GALNT18: variants seen among roughly 807,000 people sequenced by gnomAD.
The protein encoded by GALNT18 is polypeptide N-acetylgalactosaminyltransferase 18.
A neutral mutation model predicts 69.5 loss-of-function variants in GALNT18; 44 were observed. The observed-to-expected ratio is 0.63, with a 90% CI of 0.50 to 0.81. GALNT18 has a LOEUF of 0.81. Ranked by LOEUF, GALNT18 falls within the 40% of genes least tolerant of loss-of-function variation. The pLI is 0.00. For missense variants in GALNT18, 715 were observed against 810.0 expected (o/e 0.88, Z 1.42); for synonymous variants, 364 against 318.2 (o/e 1.14, Z -1.53).
rs372303312 is a variant in GALNT18 at position 11,523,643 on chromosome 11, C to A, written c.236-74707G>T. The stretch of plus-strand genomic sequence containing the variant: ...CTGAGGCAGGAGAATGGTGAGAACC[C>A]GGGAGGAAGAGGTTGCAGTGAGCCG... On this transcript the variant is annotated intron_variant, in intron 1 of 10. Transcript: ENST00000227756. The surrounding 1 kb of genome is among the most constrained non-coding windows in gnomAD (Gnocchi z 4.3). Among the ~76,000 whole-genome samples, 2 of 151,090 alleles carry A rather than the reference C, an allele frequency of 1.3e-5. No individual in the cohort carries two copies. Among genetic ancestry groups the A allele is most frequent in the Admixed American group, 1.3e-4 (2 of 15,146 alleles).
rs192216980 is a variant in GALNT18, at chr11:11,617,261, A to G, written c.235+4098T>C. 1.3e-3 allele frequency among the ~76,000 whole-genome samples: 196 copies of G among 152,340 alleles called. 1 individual carries two copies. Among genetic ancestry groups the G allele is most frequent in the Non-Finnish European group, 2.4e-3 (164 of 68,034 alleles). On this transcript the variant is annotated intron_variant, in intron 1 of 10. Coordinates refer to ENST00000227756, the MANE Select transcript of GALNT18 (RefSeq NM_198516.3). The surrounding 1 kb of genome is among the most constrained non-coding windows in gnomAD (Gnocchi z 4.7). ...ACTCTCCTCTTTAACCAATTTTTCT[A>G]TTAACTAACTCAAGCCCTGACCACG...
intron 1 of GALNT18, among the ~76,000 whole-genome samples, chr11:11,589,076 T>C (rs946120792): frequency 1.3e-5 from 2 of 152,190 alleles, no homozygotes; most frequent in Non-Finnish European, 2.9e-5. Flanking sequence ...GAAAATAAAC[T>C]GACTCTGAAA....
chr11:11,597,365 T>A (rs1253116770), intron 1 of GALNT18, among the ~76,000 whole-genome samples: 3 of 152,210 alleles, frequency 2.0e-5, no homozygotes, highest in South Asian at 4.1e-4. Context: ...GAACTGGTAT[T>A]GATTATTCCT....
rs936515435 is a variant in GALNT18, at chr11:11,619,581, G to C, written c.235+1778C>G. Among the ~76,000 whole-genome samples, 1 of 152,064 alleles carries C rather than the reference G, an allele frequency of 6.6e-6. No homozygotes were observed. Among genetic ancestry groups the C allele is most frequent in the African/African-American group, 2.4e-5 (1 of 41,384 alleles). On this transcript the variant is annotated intron_variant, in intron 1 of 10. Coordinates refer to ENST00000227756, the MANE Select transcript of GALNT18 (RefSeq NM_198516.3). This position sits in a 1 kb window ranked among gnomAD's most constrained non-coding sequence, Gnocchi z 4.9. ...TGCCTGACCAGAAAGAAAAGCACAA[G>C]AGAATCATTTTCCAGGAACACACAC...
chr11:11,471,699 G>A (rs1310400004), intron 1 of GALNT18, among the ~76,000 whole-genome samples: 2 of 152,174 alleles, frequency 1.3e-5, no homozygotes, highest in African/African-American at 2.4e-5. Context: ...AGGAAACTGA[G>A]GCTCAGATAA....
intron 9 of GALNT18, among the ~76,000 whole-genome samples, chr11:11,322,702 A>C (rs1300426295): frequency 2.6e-5 from 4 of 152,242 alleles, no homozygotes; most frequent in Admixed American, 2.6e-4. Context: ...GGAGAAGTAA[A>C]AATTGGTACA....
Position 11,344,612 on chromosome 11 carries a change from G to A in GALNT18, c.1093-3608C>T, listed in dbSNP as rs116421179. Among the ~76,000 whole-genome samples the A allele has an allele frequency of 4.9e-3, 746 of 152,310 alleles. 6 individuals are homozygous for A. The highest frequency in any genetic ancestry group is 0.017 in the African/African-American group (713 of 41,574). On this transcript the variant is annotated intron_variant, in intron 6 of 10. Coordinates refer to ENST00000227756, the MANE Select transcript of GALNT18 (RefSeq NM_198516.3). ...GAAAGCACAGCTTTGGAGTCTGTGG[G>A]AACTGGATTCACATTTGTCCTCTGT... is the stretch of plus-strand genomic sequence containing the variant.
In GALNT18 at chr11:11,448,092, G is replaced by A. The variant is rs181516447; in HGVS notation, c.428+652C>T. 6.6e-4 allele frequency among the ~76,000 whole-genome samples: 100 copies of A among 152,096 alleles called. 1 individual carries two copies. The highest frequency in any genetic ancestry group is 2.4e-3 in the African/African-American group (99 of 41,466). Reference sequence around the variant, plus strand: ...CTGAATCTTCTCCCTAAAAGAACACGGCCTCCAAACCCAGCAGCAAGATCT... The same window carrying A: ...CTGAATCTTCTCCCTAAAAGAACACAGCCTCCAAACCCAGCAGCAAGATCT... On this transcript the variant is annotated intron_variant, in intron 2 of 10. Coordinates refer to ENST00000227756, the MANE Select transcript of GALNT18 (RefSeq NM_198516.3).
At chr11:11,493,545 C>T (rs1054071633) in intron 1 of GALNT18, among the ~76,000 whole-genome samples, 2 of 152,092 alleles carry the variant, frequency 1.3e-5, no homozygotes, top group Admixed American at 6.5e-5. Context: ...AAGAGAATTA[C>T]GGATAACATT....
chr11:11,438,001 C>G (rs2133803874), intron 2 of GALNT18, among the ~76,000 whole-genome samples: 1 of 152,286 alleles, frequency 6.6e-6, no homozygotes, highest in South Asian at 2.1e-4. Context: ...TCCCTCCTCT[C>G]TCGGCTGTAG....
intron 1 of GALNT18, among the ~76,000 whole-genome samples, chr11:11,566,658 T>C (rs1858659663): frequency 6.6e-6 from 1 of 152,176 alleles, no homozygotes; most frequent in Non-Finnish European, 1.5e-5. Context: ...ATGTTAACAA[T>C]GGTGAGTCTA....
At chr11:11,274,734 T>G (rs1848903267) in intron 10 of GALNT18, among the ~76,000 whole-genome samples, 1 of 152,206 alleles carries the variant, frequency 6.6e-6, no homozygotes, top group African/African-American at 2.4e-5. Flanking sequence ...CAGTGTGTGA[T>G]GTTCCCCTCC....
chr11:11,621,670 C>T lies in GALNT18; in HGVS notation c.-77G>A, dbSNP rs193240287. On this transcript the variant is annotated 5_prime_UTR_variant, in exon 1 of 11. Coordinates refer to ENST00000227756, the MANE Select transcript of GALNT18 (RefSeq NM_198516.3). The surrounding 1 kb of genome is among the most constrained non-coding windows in gnomAD (Gnocchi z 9.3). ...GCCCCGAACTCCCCCGCGCTCGCACCCCGTAGCACGTCCGGAGCCGCTGGG... is the reference window on the plus strand; with the variant it reads ...GCCCCGAACTCCCCCGCGCTCGCACTCCGTAGCACGTCCGGAGCCGCTGGG... The T allele has an allele frequency of 2.3e-3, 2,521 of 1,118,050 alleles. 2 individuals are homozygous for T. The highest frequency in any genetic ancestry group is 2.9e-3 in the Non-Finnish European group (2,201 of 770,740). The allele number at this position is 1,118,050 out of a possible 1,614,324, so 69.3% of individuals were successfully genotyped here.
intron 1 of GALNT18, among the ~76,000 whole-genome samples, chr11:11,609,410 T>C (rs1333119120): frequency 1.3e-5 from 2 of 152,216 alleles, no homozygotes; most frequent in Non-Finnish European, 2.9e-5. Flanking sequence ...TCCTCTAAGA[T>C]ACACAAGGCG....
At chr11:11,484,097 A>C (rs938533529) in intron 1 of GALNT18, among the ~76,000 whole-genome samples, 1 of 152,146 alleles carries the variant, frequency 6.6e-6, no homozygotes, top group Non-Finnish European at 1.5e-5. Flanking sequence ...TACTGTTATT[A>C]CCTGCATTTT....
intron 3 of GALNT18, among the ~76,000 whole-genome samples, chr11:11,390,590 G>A (rs551919980): frequency 1.3e-5 from 2 of 152,282 alleles, no homozygotes; most frequent in Admixed American, 1.3e-4. Flanking sequence ...CCTCAGCCTG[G>A]CTGATTCATG....
chr11:11,278,293 G>A (rs1030120583), intron 10 of GALNT18, among the ~76,000 whole-genome samples: 1 of 150,444 alleles, frequency 6.6e-6, no homozygotes, highest in Admixed American at 6.7e-5. Flanking sequence ...CTTGAACTCA[G>A]CTCTGGACCA....
intron 6 of GALNT18, among the ~76,000 whole-genome samples, chr11:11,371,191 G>A (rs1850895816): frequency 6.6e-6 from 1 of 152,212 alleles, no homozygotes; most frequent in African/African-American, 2.4e-5. Context: ...TTAAGTCTGG[G>A]TGGTGAGTCG....
In GALNT18 at chr11:11,315,896, C is replaced by T. The variant is rs868232818; in HGVS notation, c.1512+11190G>A. Among the ~76,000 whole-genome samples, 17 of 152,018 alleles carry T rather than the reference C, an allele frequency of 1.1e-4. No individual in the cohort carries two copies. The highest frequency in any genetic ancestry group is 4.1e-4 in the African/African-American group (17 of 41,370). ...AACCATCCTGCACCGAGAAACTGAA[C>T]GTGTGACAAACAGAAGCTGAGGGTG... On this transcript the variant is annotated intron_variant, in intron 9 of 10. Transcript: ENST00000227756. The surrounding 1 kb of genome is among the most constrained non-coding windows in gnomAD (Gnocchi z 5.6).
Sources: gnomAD v4.1 joint callset for allele counts (sites outside exome capture counted in the v4.1 genomes callset) on GRCh38, gnomAD v4.1.1 for gene constraint, Gnocchi (gnomAD v3.1) non-coding constraint, MANE v1.5 for transcripts, NCBI Gene and HGNC (gene_info 2026-07-23, HGNC 2026-07-21) for gene names.